SERPINB6: variants seen among roughly 807,000 people sequenced by gnomAD.
SERPINB6 encodes serpin family B member 6.
SERPINB6 carries 16 observed loss-of-function variants against 26.1 expected under a neutral mutation model. The ratio of observed to expected loss-of-function variants is 0.61; its 90% CI spans 0.42 to 0.93. The LOEUF (loss-of-function observed/expected upper bound fraction) is 0.93, where lower values mean the gene tolerates loss of function less well. Ranked by LOEUF, SERPINB6 falls within the 40% of genes least tolerant of loss-of-function variation. The pLI, the probability that SERPINB6 is intolerant of heterozygous loss-of-function variation, is 0.00. For synonymous variants in SERPINB6, 174 were observed against 176.6 expected, an observed-to-expected ratio of 0.99 and a Z score of 0.11; for missense variants, 420 against 478.0, an observed-to-expected ratio of 0.88 and a Z score of 1.13.
At position 2,953,192 on chromosome 6, in the gene SERPINB6, C is replaced by T. The variant is rs768726035; in HGVS notation, c.431-6G>A. The T allele has an allele frequency of 6.2e-6, 10 of 1,614,130 alleles. No homozygotes were observed. The highest frequency in any genetic ancestry group is 4.4e-5 in the South Asian group (4 of 91,082). ...GAGCAACTCCGCAATTTTACCTGAGCGGAAGAATTCAAGACCGCATTAGAT... is the reference window on the plus strand; with the variant it reads ...GAGCAACTCCGCAATTTTACCTGAGTGGAAGAATTCAAGACCGCATTAGAT... On this transcript the variant is annotated splice_polypyrimidine_tract_variant and splice_region_variant and intron_variant, in intron 4 of 6. Transcript: ENST00000380539.
At chr6:2,962,216 C>A in intron 1 of SERPINB6, 1 of 985,454 alleles carries the variant, frequency 1.0e-6, no homozygotes, top group Non-Finnish European at 1.2e-6. Flanking sequence ...CAGGTTACAC[C>A]ATCTGGGGCA....
chr6:2,959,677 C>T, intron 1 of SERPINB6: 1 of 379,086 alleles, frequency 2.6e-6, no homozygotes. Context: ...CTGGCTTTTG[C>T]TTCTATGTTT....
intron 5 of SERPINB6, among the ~76,000 whole-genome samples, chr6:2,951,646 A>C (rs1047794837): frequency 1.3e-5 from 2 of 152,194 alleles, no homozygotes; most frequent in African/African-American, 4.8e-5. Flanking sequence ...AATGAAATTA[A>C]AATAAGAATC....
At chr6:2,950,525 T>C (rs1581231331) in intron 5 of SERPINB6, among the ~76,000 whole-genome samples, 4 of 92,374 alleles carry the variant, frequency 4.3e-5, no homozygotes, top group East Asian at 3.5e-4. Context: ...AGACCGAGAC[T>C]CCATCTCAAA....
chr6:2,958,825 T>C lies in SERPINB6; in HGVS notation c.165+343A>G, dbSNP rs147933731. Among the ~76,000 whole-genome samples, 506 of 152,118 alleles carry C rather than the reference T, an allele frequency of 3.3e-3. 2 individuals are homozygous for C. Among genetic ancestry groups the C allele is most frequent in the African/African-American group, 0.011 (475 of 41,484 alleles). On this transcript the variant is annotated intron_variant, in intron 2 of 6. Transcript: ENST00000380539. Reference sequence around the variant, plus strand: ...GCGTAAATGAGAAAATAAAGACTCCTAACAACCAACAAGCAGATGACAGTA... The same window carrying C: ...GCGTAAATGAGAAAATAAAGACTCCCAACAACCAACAAGCAGATGACAGTA...
chr6:2,968,829 C>G, intron 1 of SERPINB6: 1 of 1,231,636 alleles, frequency 8.1e-7, no homozygotes, highest in Non-Finnish European at 1.0e-6. Context: ...GGGAGCTTCA[C>G]TGCAGTGTGC....
intron 1 of SERPINB6, chr6:2,960,939 A>G (rs181165983): frequency 7.9e-5 from 12 of 152,322 alleles, no homozygotes; most frequent in Admixed American, 5.9e-4. Flanking sequence ...AAAGCAATGC[A>G]AAGAATAAAG....
At position 2,948,252 on chromosome 6, in the gene SERPINB6, CAG is replaced by C; in HGVS notation, c.*44_*45del. 1 of 1,610,796 alleles carries C rather than the reference CAG, an allele frequency of 6.2e-7. No homozygotes were observed. The highest frequency in any genetic ancestry group is 8.5e-7 in the Non-Finnish European group (1 of 1,178,608). On this transcript the variant is annotated 3_prime_UTR_variant, in exon 7 of 7. Coordinates refer to ENST00000380539, the MANE Select transcript of SERPINB6 (RefSeq NM_004568.6). This position sits in a 1 kb window ranked among gnomAD's most constrained non-coding sequence, Gnocchi z 5.0. ...GGGTTGCAGGCACACTGTGGAGTGTCAGGGGACAGAGAGGAGAGGGGCTGCAC... is the reference window on the plus strand; with the variant it reads ...GGGTTGCAGGCACACTGTGGAGTGTCGGGACAGAGAGGAGAGGGGCTGCAC...
At chr6:2,962,191 C>G (rs776344153) in intron 1 of SERPINB6, 9 of 985,360 alleles carry the variant, frequency 9.1e-6, no homozygotes, top group Non-Finnish European at 1.1e-5. Context: ...TGGGGAGGTG[C>G]CTGTCTGGCC....
intron 2 of SERPINB6, chr6:2,956,004 A>T (rs1307416210): frequency 3.5e-6 from 1 of 285,914 alleles, no homozygotes; most frequent in Admixed American, 4.6e-5. Flanking sequence ...TGAACCCGGG[A>T]GGCGGAGGTT....
At chr6:2,965,634 T>C (rs1771555181) in intron 1 of SERPINB6, among the ~76,000 whole-genome samples, 1 of 152,232 alleles carries the variant, frequency 6.6e-6, no homozygotes, top group Admixed American at 6.5e-5. Flanking sequence ...CCTAAGACTT[T>C]CAAACAGTAC....
chr6:2,966,146 C>A (rs550603181), intron 1 of SERPINB6, among the ~76,000 whole-genome samples: 27 of 151,560 alleles, frequency 1.8e-4, no homozygotes, highest in African/African-American at 6.6e-4. Context: ...GTTTTTACAA[C>A]TACTGTGTTT....
At chr6:2,964,923 AAC>A (rs1771468992) in intron 1 of SERPINB6, among the ~76,000 whole-genome samples, 1 of 152,184 alleles carries the variant, frequency 6.6e-6, no homozygotes, top group African/African-American at 2.4e-5. Context: ...TGCAGCCTCG[AAC>A]TCCTGGCCTC....
Position 2,948,508 on chromosome 6 carries a change from C to T in SERPINB6, c.921G>A (p.Gln307=). 6.2e-7 allele frequency: 1 copy of T among 1,614,206 alleles called. No homozygotes were observed. The highest frequency in any genetic ancestry group is 8.5e-7 in the Non-Finnish European group (1 of 1,180,020). ...CGACCTTGGACAGAGACAGGTCTGT[C>T]TGGGACATTCCAGAGAAGTCTGCCT... ...LGKADFSGMS[Q]TDLSLSKVVH... is the part of the protein sequence containing the mutation. Residue 307 remains glutamine, a synonymous_variant, in exon 7 of 7, where the codon CAG becomes CAA. Transcript: ENST00000380539. This position sits in a 1 kb window ranked among gnomAD's most constrained non-coding sequence, Gnocchi z 5.0.
intron 3 of SERPINB6, chr6:2,955,160 A>T (rs554345638): frequency 1.6e-4 from 49 of 301,504 alleles, no homozygotes; most frequent in African/African-American, 1.0e-3. Context: ...ACCACACTCC[A>T]GCCTGGGCGA....
intron 1 of SERPINB6, 80 bp from the exon 2 acceptor site, chr6:2,959,422 C>T (rs1770861092): frequency 1.2e-5 from 18 of 1,453,380 alleles, no homozygotes; most frequent in East Asian, 2.3e-5. Flanking sequence ...CGACAGTCAC[C>T]GCCGATGCTG....
chr6:2,965,822 A>G (rs1472860326), intron 1 of SERPINB6, among the ~76,000 whole-genome samples: 1 of 152,222 alleles, frequency 6.6e-6, no homozygotes, highest in Non-Finnish European at 1.5e-5. Flanking sequence ...GTTAAATCCT[A>G]AGGGATCATC....
At chr6:2,954,764 G>A (rs1038654317) in intron 3 of SERPINB6, 55 bp from the exon 4 acceptor site, 12 of 1,166,732 alleles carry the variant, frequency 1.0e-5, no homozygotes, top group African/African-American at 3.0e-5. Flanking sequence ...GAACACCAAC[G>A]GCCTACTTCT....
At position 2,948,611 on chromosome 6, in the gene SERPINB6, C is replaced by T. The variant is rs370396473; in HGVS notation, c.818G>A (p.Arg273Gln). The T allele has an allele frequency of 2.0e-5, 32 of 1,614,110 alleles. No individual in the cohort carries two copies. The highest frequency in any genetic ancestry group is 1.6e-4 in the Middle Eastern group (1 of 6,062). Reference protein sequence around the residue: ...DEEEVEVSLPRFKLEESYDME... With the variant: ...DEEEVEVSLPQFKLEESYDME... ...GTCGTAGCTTTCCTCTAGTTTAAAC[C>T]GCGGGAGGGACACTTCCACCTCCTC... The change falls in exon 7 of 7, where the codon CGG becomes CAG. Residue 273 changes from arginine to glutamine, a missense_variant. Arg to Gln is a conservative substitution (Grantham distance 43). Transcript: ENST00000380539. The surrounding 1 kb of genome is among the most constrained non-coding windows in gnomAD (Gnocchi z 5.0).
Sources: allele counts gnomAD v4.1 joint callset (sites outside exome capture counted in the v4.1 genomes callset), GRCh38; gene constraint gnomAD v4.1.1; non-coding constraint Gnocchi (gnomAD v3.1); transcripts MANE v1.5; gene names NCBI Gene and HGNC (gene_info 2026-07-23, HGNC 2026-07-21).